Variants in BTRC observed in about 807,000 individuals in gnomAD.
BTRC encodes F-box/WD repeat-containing protein 1A.
Under a neutral mutation model 85.5 loss-of-function variants are expected in BTRC, and 42 were observed. The observed-to-expected ratio is 0.49, with a 90% CI of 0.38 to 0.64. The LOEUF is 0.64. Among genes scored for constraint, BTRC ranks in the 30% least tolerant of loss-of-function variants. BTRC has a pLI of 0.00. For synonymous variants in BTRC, 255 were observed against 263.3 expected (o/e 0.97, Z 0.30); for missense variants, 594 against 743.5 (o/e 0.80, Z 2.34).
intron 1 of BTRC, among the ~76,000 whole-genome samples, chr10:101,413,399 C>T (rs752465201): frequency 5.9e-5 from 9 of 152,126 alleles, no homozygotes; most frequent in Non-Finnish European, 8.8e-5. Context: ...CTGCAGGCTC[C>T]GCCTCCAGGG....
At chr10:101,429,874 A>G (rs1944357301) in intron 1 of BTRC, among the ~76,000 whole-genome samples, 1 of 151,808 alleles carries the variant, frequency 6.6e-6, no homozygotes, top group Non-Finnish European at 1.5e-5. Flanking sequence ...TCTAAAAAAA[A>G]AAAAAACTCT....
At chr10:101,505,436 G>A (rs1396084267) in intron 4 of BTRC, among the ~76,000 whole-genome samples, 3 of 150,730 alleles carry the variant, frequency 2.0e-5, no homozygotes, top group South Asian at 2.1e-4. Context: ...TGGTTAACAC[G>A]GTGAAACCCC....
chr10:101,431,995 TA>T (rs1186534912), intron 2 of BTRC, among the ~76,000 whole-genome samples: 2 of 152,230 alleles, frequency 1.3e-5, no homozygotes, highest in African/African-American at 4.8e-5. Flanking sequence ...TCCTTATCTG[TA>T]AATGGATACT....
chr10:101,376,357 G>A (rs1018301352), intron 1 of BTRC, among the ~76,000 whole-genome samples: 10 of 152,188 alleles, frequency 6.6e-5, no homozygotes, highest in African/African-American at 2.4e-4. Context: ...GGCAGAATGA[G>A]ACAAATCTCA....
At chr10:101,501,648 C>G (rs1946403372) in intron 4 of BTRC, among the ~76,000 whole-genome samples, 1 of 152,212 alleles carries the variant, frequency 6.6e-6, no homozygotes, top group African/African-American at 2.4e-5. Flanking sequence ...TATTAGTACT[C>G]TTGAGCCTCG....
At position 101,535,377 on chromosome 10, in the gene BTRC, A is replaced by G. The variant is rs747812366; in HGVS notation, c.1371A>G (p.Glu457=). ...AGGTATGGAACACAAGTACTTGTGA[A>G]TTTGTAAGGACCTTAAATGGACACA... is the stretch of plus-strand genomic sequence containing the variant. ...TIKVWNTSTC[E]FVRTLNGHKR... The change falls in exon 11 of 15, where the codon GAA becomes GAG. Residue 457 remains glutamate (E), a synonymous_variant. Transcript: ENST00000370187. The G allele has an allele frequency of 5.0e-6, 8 of 1,613,920 alleles. No homozygotes were observed. In the Admixed American group the frequency reaches 1.3e-4, roughly 27 times the overall value.
intron 14 of BTRC, 99 bp downstream of exon 14, chr10:101,550,990 C>T (rs1424582237): frequency 5.4e-6 from 6 of 1,120,228 alleles, no homozygotes; most frequent in Non-Finnish European, 7.5e-6. Context: ...CCGTTTGGGT[C>T]ACCAACTCCT....
intron 13 of BTRC, among the ~76,000 whole-genome samples, chr10:101,550,165 C>T (rs2062627577): frequency 6.6e-6 from 1 of 152,200 alleles, no homozygotes; most frequent in Non-Finnish European, 1.5e-5. Context: ...CTATTAATAG[C>T]ATGCTATTTA....
intron 1 of BTRC, among the ~76,000 whole-genome samples, chr10:101,388,049 A>G (rs1444843583): frequency 6.6e-6 from 1 of 152,214 alleles, no homozygotes; most frequent in East Asian, 1.9e-4. Flanking sequence ...TAAAGGCAAA[A>G]ATATACTAAA....
chr10:101,396,535 C>G (rs1943368724), intron 1 of BTRC, among the ~76,000 whole-genome samples: 1 of 150,984 alleles, frequency 6.6e-6, no homozygotes, highest in Admixed American at 6.6e-5. Context: ...CTGTGGTACT[C>G]TTAACAAATA....
intron 13 of BTRC, among the ~76,000 whole-genome samples, chr10:101,538,890 AT>A (rs1406301941): frequency 1.3e-5 from 2 of 152,112 alleles, no homozygotes; most frequent in African/African-American, 4.8e-5. Flanking sequence ...TCTGCTAAAA[AT>A]AAAAAAAAAA....
chr10:101,499,141 GA>G (rs1330523244), intron 4 of BTRC, among the ~76,000 whole-genome samples: 1 of 152,118 alleles, frequency 6.6e-6, no homozygotes, highest in African/African-American at 2.4e-5. Context: ...TTTACAGGGG[GA>G]AAAAGTGAAG....
intron 3 of BTRC, among the ~76,000 whole-genome samples, chr10:101,465,352 C>T (rs1945346208): frequency 6.6e-6 from 1 of 152,064 alleles, no homozygotes. Context: ...TAGCGTTTTG[C>T]CATTGTTGAT....
At chr10:101,354,309 G>A (rs1941965694) in intron 1 of BTRC, 81 bp downstream of exon 1, 1 of 1,479,964 alleles carries the variant, frequency 6.8e-7, no homozygotes, top group Non-Finnish European at 9.1e-7. Flanking sequence ...CGCCCACTGC[G>A]GGACCGGGCA....
chr10:101,532,784 G>GTGTATGTGTA (rs1554895663), intron 8 of BTRC, among the ~76,000 whole-genome samples, 168 bp from the exon 9 acceptor site: 1 of 145,766 alleles, frequency 6.9e-6, no homozygotes, highest in African/African-American at 2.6e-5. Flanking sequence ...GTGTGTGTGT[G>GTGTATGTGTA]TGTGTGCGCG....
intron 1 of BTRC, among the ~76,000 whole-genome samples, chr10:101,359,622 T>C (rs1942144112): frequency 6.6e-6 from 1 of 150,504 alleles, no homozygotes; most frequent in Non-Finnish European, 1.5e-5. Flanking sequence ...TTTTTTGAGA[T>C]GGAGTTTTGG....
chr10:101,366,891 T>TATATAA (rs1942425814), intron 1 of BTRC, among the ~76,000 whole-genome samples: 1 of 39,554 alleles, frequency 2.5e-5, no homozygotes. Context: ...TATATATTTA[T>TATATAA]ATATATTTAT....
intron 1 of BTRC, among the ~76,000 whole-genome samples, chr10:101,396,896 G>A (rs1207972423): frequency 3.3e-5 from 5 of 151,152 alleles, no homozygotes; most frequent in South Asian, 2.1e-4. Context: ...TCCGCCTCCC[G>A]GATTCAAGCA....
At chr10:101,532,618 G>A (rs1448949357) in intron 8 of BTRC, among the ~76,000 whole-genome samples, 186 bp downstream of exon 8, 1 of 151,996 alleles carries the variant, frequency 6.6e-6, no homozygotes, top group Non-Finnish European at 1.5e-5. Flanking sequence ...CTATACAAAC[G>A]GGTAGTCCTA....
Sources: allele counts gnomAD v4.1 joint callset (sites outside exome capture counted in the v4.1 genomes callset), GRCh38; gene constraint gnomAD v4.1.1; transcripts MANE v1.5; gene names NCBI Gene and HGNC (gene_info 2026-07-23, HGNC 2026-07-21).